The following FTCD variants were observed in gnomAD, a reference collection of about 807,000 sequenced individuals.
FTCD encodes formimidoyltransferase cyclodeaminase, also known as formimidoyltransferase-cyclodeaminase.
Under a neutral mutation model 62.9 loss-of-function variants are expected in FTCD, and 76 were observed. That is an observed-to-expected ratio of 1.21 (90% CI 1.00 to 1.46). FTCD has a LOEUF of 1.46. Ranked by LOEUF, FTCD falls within the 40% of genes most tolerant of loss-of-function variation. The pLI, the probability that FTCD is intolerant of heterozygous loss-of-function variation, is 0.00. For synonymous variants in FTCD, 397 were observed against 336.9 expected (o/e 1.18, Z -1.95); for missense variants, 845 against 751.3 (o/e 1.12, Z -1.46).
At position 46,150,104 on chromosome 21, in the gene FTCD, G is replaced by T. The variant is rs76474184; in HGVS notation, c.906+15C>A. 2 of 1,434,564 alleles carry T rather than the reference G, an allele frequency of 1.4e-6. No homozygotes were observed. The highest frequency in any genetic ancestry group is 1.4e-5 in the African/African-American group (1 of 69,076). The allele number at this position is 1,434,564 out of a possible 1,614,324, so 88.9% of individuals were successfully genotyped here. On this transcript the variant is annotated intron_variant, in intron 7 of 13. Coordinates refer to ENST00000397746, the MANE Select transcript of FTCD (RefSeq NM_206965.2). ...GCACGCCCCTGTCCGACCCTTCCTC[G>T]GCAGCCCGGCCCACCAGCCTGATCC... is the stretch of plus-strand genomic sequence containing the variant.
downstream of FTCD, chr21:46,136,757 A>C: frequency 3.4e-6 from 5 of 1,492,166 alleles, no homozygotes; most frequent in Non-Finnish European, 4.5e-6. Flanking sequence ...CTGCCCCCAA[A>C]ACCGCCAACA....
chr21:46,137,451 G>A (rs1298082576), intron 12 of FTCD, 117 bp from the exon 13 acceptor site: 7 of 796,982 alleles, frequency 8.8e-6, no homozygotes, highest in Admixed American at 3.7e-5. Flanking sequence ...CTCACAAGGA[G>A]CCCAGCGCAG....
rs770013826 is a variant in FTCD, at chr21:46,146,263, C to T, written c.968+3G>A. 8 of 1,594,400 alleles carry T rather than the reference C, an allele frequency of 5.0e-6. No individual in the cohort carries two copies. In the South Asian group the frequency reaches 9.0e-5, roughly 18 times the overall value. On this transcript the variant is annotated splice_donor_region_variant and intron_variant, in intron 8 of 13. Transcript: ENST00000397746. ...AGAAGAGGGCGGGAGGGCAGAGGCT[C>T]ACTCGATGATCCGCTCCTTAGGGCT...
intron 5 of FTCD, among the ~76,000 whole-genome samples, chr21:46,151,252 TC>T: frequency 6.6e-6 from 1 of 152,284 alleles, no homozygotes; most frequent in South Asian, 2.1e-4. Flanking sequence ...CACCTGGGAC[TC>T]CGGAAGTCGC....
At chr21:46,139,916 C>T (rs1268914657) in intron 10 of FTCD, among the ~76,000 whole-genome samples, 1 of 152,228 alleles carries the variant, frequency 6.6e-6, no homozygotes, top group African/African-American at 2.4e-5. Flanking sequence ...TCTCCCTGGG[C>T]AGATCTTGGC....
chr21:46,155,554 T>C lies in FTCD; in HGVS notation c.-31A>G. ...GCACCTTGATCCAGATGCTCCTCTC[T>C]GGGCAGATGGAAGGACAGGGCCAGT... is the stretch of plus-strand genomic sequence containing the variant. On this transcript the variant is annotated 5_prime_UTR_variant, in exon 1 of 14. Coordinates refer to ENST00000397746, the MANE Select transcript of FTCD (RefSeq NM_206965.2). 6.2e-7 allele frequency: 1 copy of C among 1,601,224 alleles called. No individual in the cohort carries two copies. The highest frequency in any genetic ancestry group is 8.6e-7 in the Non-Finnish European group (1 of 1,169,480).
In FTCD at chr21:46,137,227, C is replaced by T. The variant is rs1342885120; in HGVS notation, c.1539+12G>A. 1 of 1,603,902 alleles carries T rather than the reference C, an allele frequency of 6.2e-7. No homozygotes were observed. On this transcript the variant is annotated intron_variant, in intron 13 of 13. Transcript: ENST00000397746. ...ACGTGGGGTCCGGGCACCACACCTG[C>T]CTCCTGCTCACCTGGTCCTTAAATG...
intron 8 of FTCD, 69 bp from the exon 9 acceptor site, chr21:46,146,016 GC>G: frequency 3.1e-6 from 3 of 965,784 alleles, no homozygotes; most frequent in Non-Finnish European, 4.5e-6. Context: ...TCCCGGGGCG[GC>G]CCCAGGCCCC....
At chr21:46,154,782 G>A (rs565559570) in intron 1 of FTCD, among the ~76,000 whole-genome samples, 5 of 152,366 alleles carry the variant, frequency 3.3e-5, no homozygotes, top group African/African-American at 1.2e-4. Context: ...CAGGGGCTCA[G>A]CCCCAAATCT....
At chr21:46,153,468 T>C (rs750333539) in intron 2 of FTCD, among the ~76,000 whole-genome samples, 1 of 151,986 alleles carries the variant, frequency 6.6e-6, no homozygotes, top group Non-Finnish European at 1.5e-5. Context: ...CCCCCTCCCC[T>C]GAAGCCGAGA....
Position 46,150,501 on chromosome 21 carries a change from C to T in FTCD, c.661G>A (p.Gly221Ser), listed in dbSNP as rs755377351. 3.1e-6 allele frequency: 5 copies of T among 1,613,296 alleles called. No individual in the cohort carries two copies. Among genetic ancestry groups the T allele is most frequent in the African/African-American group, 2.7e-5 (2 of 74,946 alleles). The change falls in exon 6 of 14, where the codon GGC becomes AGC. Residue 221 changes from glycine (G) to serine (S), a missense_variant. Transcript: ENST00000397746. ...TTCTCATCCAGGTACCAGCCAATGCCCTGAACTTTCTTCAGACGTCCTGGC... is the reference window on the plus strand; with the variant it reads ...TTCTCATCCAGGTACCAGCCAATGCTCTGAACTTTCTTCAGACGTCCTGGC... ...DQPGRLKKVQ[G>S]IGWYLDEKNL...
chr21:46,151,475 G>C lies in FTCD; in HGVS notation c.636+83C>G, dbSNP rs572919846. On this transcript the variant is annotated intron_variant, in intron 5 of 13. Coordinates refer to ENST00000397746, the MANE Select transcript of FTCD (RefSeq NM_206965.2). ...GTCCGGCCGGTGCCCCATCCCCACC[G>C]ACCTCCCCGCCTGAGGCTCTCAGCC... 8.4e-6 allele frequency: 11 copies of C among 1,309,930 alleles called. No homozygotes were observed. In the African/African-American group the frequency reaches 1.3e-4, roughly 16 times the overall value. 81.1% of individuals were successfully genotyped at this position (1,309,930 alleles called of 1,614,324 possible).
chr21:46,137,512 A>G (rs2078897912), intron 12 of FTCD, among the ~76,000 whole-genome samples, 178 bp from the exon 13 acceptor site: 1 of 152,140 alleles, frequency 6.6e-6, no homozygotes, highest in Non-Finnish European at 1.5e-5. Flanking sequence ...AGCTTAGAAA[A>G]CAAAACTTTC....
At chr21:46,138,703 C>T in intron 11 of FTCD, 57 bp from the exon 12 acceptor site, 1 of 1,546,834 alleles carries the variant, frequency 6.5e-7, no homozygotes, top group Middle Eastern at 1.7e-4. Context: ...AGGCAGTGGA[C>T]ACACTGCACC....
chr21:46,152,050 G>A, intron 3 of FTCD, 70 bp from the exon 4 acceptor site: 1 of 1,103,322 alleles, frequency 9.1e-7, no homozygotes, highest in Non-Finnish European at 1.3e-6. Flanking sequence ...GAGGACGCAG[G>A]TGGAGGGGCT....
At position 46,154,347 on chromosome 21, in the gene FTCD, C is replaced by T. The variant is rs530830646; in HGVS notation, c.55-15G>A. On this transcript the variant is annotated splice_polypyrimidine_tract_variant and intron_variant, in intron 1 of 13. Transcript: ENST00000397746. Reference sequence around the variant, plus strand: ...GCGTCGATCACCTGGGACACAGGCCCGGCCCCCACACCTCAGTCTCCCCGT... The same window carrying T: ...GCGTCGATCACCTGGGACACAGGCCTGGCCCCCACACCTCAGTCTCCCCGT... The T allele has an allele frequency of 4.4e-6, 7 of 1,605,282 alleles. No individual in the cohort carries two copies. Among genetic ancestry groups the T allele is most frequent in the African/African-American group, 2.7e-5 (2 of 74,836 alleles).
rs552241667 is a variant in FTCD at position 46,151,944 on chromosome 21, C to G, written c.404G>C (p.Arg135Pro). Residue 135 changes from arginine to proline, a missense_variant, in exon 4 of 14, where the codon CGC becomes CCC. By Grantham distance (103) the Arg-to-Pro change is moderately radical. Transcript: ENST00000397746. ...GGCCCGGATGGCCGGCAGGGTCCGG[C>G]GACTGTCCATCCTGGCTGCCTCGCC... ...LYGEAARMDS[R>P]RTLPAIRAGE... 6.4e-7 allele frequency: 1 copy of G among 1,572,624 alleles called. No individual in the cohort carries two copies. The highest frequency in any genetic ancestry group is 2.4e-5 in the East Asian group (1 of 42,512).
At position 46,141,922 on chromosome 21, in the gene FTCD, G is replaced by A. The variant is rs544244046; in HGVS notation, c.1261-2999C>T. Among the ~76,000 whole-genome samples the A allele has an allele frequency of 1.6e-3, 236 of 152,194 alleles. 2 individuals carry two copies. Among genetic ancestry groups the A allele is most frequent in the African/African-American group, 5.6e-3 (231 of 41,544 alleles). The stretch of plus-strand genomic sequence containing the variant: ...GGTGTTGGGTGCCCTGGGCCCCCCC[G>A]GGGAGGGGGGTGCTTCCCCCAGTGG... On this transcript the variant is annotated intron_variant, in intron 10 of 13. Transcript: ENST00000397746.
intron 1 of FTCD, among the ~76,000 whole-genome samples, chr21:46,154,899 T>C (rs1287928382): frequency 2.6e-5 from 4 of 152,190 alleles, no homozygotes; most frequent in African/African-American, 9.6e-5. Flanking sequence ...TGGGAGGCCT[T>C]CCAGGTGGCC....
Sources: gnomAD v4.1 joint callset for allele counts (sites outside exome capture counted in the v4.1 genomes callset) on GRCh38, gnomAD v4.1.1 for gene constraint, MANE v1.5 for transcripts, NCBI Gene and HGNC (gene_info 2026-07-23, HGNC 2026-07-21) for gene names.